MOXD1: variants seen among roughly 807,000 people sequenced by gnomAD.
The protein encoded by MOXD1 is DBH-like monooxygenase protein 1.
MOXD1 carries 62 observed loss-of-function variants against 66.6 expected under a neutral mutation model. The observed-to-expected ratio is 0.93, with a 90% CI of 0.76 to 1.15. The LOEUF (loss-of-function observed/expected upper bound fraction) is 1.15. Among genes scored for constraint, MOXD1 ranks in the 50% most tolerant of loss-of-function variants. The probability of loss-of-function intolerance (pLI) is 0.00; values close to 1 mark genes in which losing one functional copy is unlikely to be tolerated. For missense variants in MOXD1, 847 were observed against 754.6 expected (o/e 1.12, Z -1.44); for synonymous variants, 303 against 281.9 (o/e 1.07, Z -0.75).
chr6:132,363,222 C>CA (rs71926607), intron 4 of MOXD1, among the ~76,000 whole-genome samples: 3,300 of 137,876 alleles, frequency 0.024, 53 homozygotes, highest in Non-Finnish European at 0.038. Context: ...CAATAAAAAA[C>CA]AAAAAAAAAA....
At chr6:132,338,401 C>A (rs1775482108) in intron 4 of MOXD1, among the ~76,000 whole-genome samples, 1 of 152,168 alleles carries the variant, frequency 6.6e-6, no homozygotes, top group African/African-American at 2.4e-5. Context: ...CGGAGGACTA[C>A]CTTGCAGAGA....
At position 132,354,527 on chromosome 6, in the gene MOXD1, T is replaced by C. The variant is rs147930454; in HGVS notation, c.663+18081A>G. 2.5e-4 allele frequency among the ~76,000 whole-genome samples: 38 copies of C among 152,328 alleles called. 2 individuals are homozygous for C. In the East Asian group the frequency reaches 6.6e-3, roughly 26 times the overall value. The stretch of plus-strand genomic sequence containing the variant: ...GAACTGTCTATGGGCCTCTCAGCCA[T>C]TGATACCAGCACCTGTTCCAGTGGA... On this transcript the variant is annotated intron_variant, in intron 4 of 11. Transcript: ENST00000367963.
chr6:132,309,997 C>T (rs1301009186), intron 10 of MOXD1, among the ~76,000 whole-genome samples: 2 of 152,126 alleles, frequency 1.3e-5, no homozygotes, highest in Non-Finnish European at 2.9e-5. Context: ...CCAAAATTGA[C>T]AAATGGGATC....
At chr6:132,359,062 T>A (rs1286797942) in intron 4 of MOXD1, among the ~76,000 whole-genome samples, 1 of 152,056 alleles carries the variant, frequency 6.6e-6, no homozygotes. Flanking sequence ...AGGGAAGACC[T>A]TGTCATTTCC....
chr6:132,345,818 T>C (rs565094144), intron 4 of MOXD1, among the ~76,000 whole-genome samples: 1 of 152,158 alleles, frequency 6.6e-6, no homozygotes, highest in African/African-American at 2.4e-5. Context: ...AGGAGTCTTT[T>C]TTTTTTCTTT....
At chr6:132,374,979 A>G in intron 1 of MOXD1, 2 of 614,226 alleles carry the variant, frequency 3.3e-6, no homozygotes, top group Non-Finnish European at 2.9e-6. Flanking sequence ...TCAGGAAAGC[A>G]TAGTGTAGAC....
intron 10 of MOXD1, among the ~76,000 whole-genome samples, chr6:132,307,791 A>G (rs916798777): frequency 2.6e-5 from 4 of 152,220 alleles, no homozygotes; most frequent in Admixed American, 6.5e-5. Flanking sequence ...AATGAAATTA[A>G]GACAGAAATC....
At chr6:132,308,161 T>A (rs1432888398) in intron 10 of MOXD1, among the ~76,000 whole-genome samples, 1 of 149,456 alleles carries the variant, frequency 6.7e-6, no homozygotes. Flanking sequence ...AAGAATCAAA[T>A]AGACACAATA....
At chr6:132,399,034 G>T (rs1776962076) in intron 1 of MOXD1, among the ~76,000 whole-genome samples, 1 of 150,914 alleles carries the variant, frequency 6.6e-6, no homozygotes, top group Non-Finnish European at 1.5e-5. Flanking sequence ...TAAATAAATA[G>T]TTTCTAGAGA....
chr6:132,396,983 C>T lies in MOXD1; in HGVS notation c.264+4180G>A, dbSNP rs564721058. Among the ~76,000 whole-genome samples, 12 of 152,330 alleles carry T rather than the reference C, an allele frequency of 7.9e-5. No homozygotes were observed. In the South Asian group the frequency reaches 2.5e-3, roughly 32 times the overall value. On this transcript the variant is annotated intron_variant, in intron 1 of 11. Transcript: ENST00000367963. ...TGTTCAGATAGAGTCTACATTCCCT[C>T]TTGAATCTAGTGGGCTTGTGACCAC...
At chr6:132,358,398 C>T (rs1468583415) in intron 4 of MOXD1, among the ~76,000 whole-genome samples, 2 of 152,144 alleles carry the variant, frequency 1.3e-5, no homozygotes, top group Non-Finnish European at 2.9e-5. Flanking sequence ...TACCACATCT[C>T]GCTCCATGAC....
Position 132,315,750 on chromosome 6 carries a change from A to G in MOXD1, c.1393T>C (p.Cys465Arg). 6.2e-7 allele frequency: 1 copy of G among 1,613,696 alleles called. No individual in the cohort carries two copies. The highest frequency in any genetic ancestry group is 2.2e-5 in the East Asian group (1 of 44,846). Residue 465 changes from cysteine (C) to arginine (R), a missense_variant, in exon 10 of 12, where the codon TGT becomes CGT. Cys to Arg is a radical substitution (Grantham distance 180, BLOSUM62 -3). Coordinates refer to ENST00000367963, the MANE Select transcript of MOXD1 (RefSeq NM_015529.4). ...GGGTAATAAAGAAGGTATGAGAGAC[A>G]CATTTCACTCCTGGTGCTTAGTCCT... Reference protein sequence around the residue: ...WGGLSTRSEMCLSYLLYYPRI... With the variant: ...WGGLSTRSEMRLSYLLYYPRI...
At chr6:132,337,507 AC>A in intron 4 of MOXD1, among the ~76,000 whole-genome samples, 1 of 152,236 alleles carries the variant, frequency 6.6e-6, no homozygotes, top group East Asian at 1.9e-4. Flanking sequence ...TCTACTACAT[AC>A]CAATATCTTT....
intron 10 of MOXD1, among the ~76,000 whole-genome samples, chr6:132,314,479 T>A (rs755590761): frequency 6.6e-6 from 1 of 152,262 alleles, no homozygotes; most frequent in Non-Finnish European, 1.5e-5. Flanking sequence ...CAAGGCCTTA[T>A]GTTGCCCATA....
chr6:132,336,796 A>T (rs879420044), intron 4 of MOXD1, among the ~76,000 whole-genome samples: 1 of 152,160 alleles, frequency 6.6e-6, no homozygotes, highest in Non-Finnish European at 1.5e-5. Flanking sequence ...TCTGGGAAAT[A>T]ACTCACCCCT....
chr6:132,399,080 T>A (rs1240870321), intron 1 of MOXD1, among the ~76,000 whole-genome samples: 1 of 152,166 alleles, frequency 6.6e-6, no homozygotes, highest in Admixed American at 6.6e-5. Flanking sequence ...AATGGAATCA[T>A]TCAGCCTGAA....
chr6:132,322,173 T>C (rs114191367), intron 8 of MOXD1, among the ~76,000 whole-genome samples: 2,050 of 152,334 alleles, frequency 0.013, 56 homozygotes, highest in African/African-American at 0.047. Context: ...TCCTTCACCA[T>C]AACCCCAAGT....
intron 1 of MOXD1, among the ~76,000 whole-genome samples, chr6:132,399,436 T>C (rs1437405925): frequency 1.3e-5 from 2 of 152,204 alleles, no homozygotes; most frequent in Non-Finnish European, 1.5e-5. Context: ...AAAATTTCTA[T>C]GTTTCAAAAT....
intron 4 of MOXD1, among the ~76,000 whole-genome samples, chr6:132,360,706 C>T (rs73546069): frequency 6.6e-6 from 1 of 152,306 alleles, no homozygotes; most frequent in African/African-American, 2.4e-5. Flanking sequence ...TTCCTCCCAT[C>T]CAGACTGTGA....
Sources: gnomAD v4.1 joint callset for allele counts (sites outside exome capture counted in the v4.1 genomes callset) on GRCh38, gnomAD v4.1.1 for gene constraint, MANE v1.5 for transcripts, NCBI Gene and HGNC (gene_info 2026-07-23, HGNC 2026-07-21) for gene names.